Variants in CACNA2D1 observed in about 807,000 individuals in gnomAD.
CACNA2D1 encodes the protein voltage-dependent calcium channel subunit alpha-2/delta-1.
A neutral mutation model predicts 171.5 loss-of-function variants in CACNA2D1; 53 were observed. The ratio of observed to expected loss-of-function variants is 0.31; its 90% CI spans 0.25 to 0.39. The LOEUF is 0.39. Ranked by LOEUF, CACNA2D1 falls within the 10% of genes least tolerant of loss-of-function variation. The pLI, the probability that CACNA2D1 is intolerant of heterozygous loss-of-function variation, is 1.00. For missense variants in CACNA2D1, 903 were observed against 1,299.8 expected (o/e 0.69, Z 4.69); for synonymous variants, 442 against 443.1 (o/e 1.00, Z 0.03).
intron 19 of CACNA2D1, among the ~76,000 whole-genome samples, chr7:81,995,198 G>A (rs548315685): frequency 6.6e-6 from 1 of 152,166 alleles, no homozygotes; most frequent in East Asian, 1.9e-4. Context: ...TTTTTGAAAC[G>A]TAATTAATAA....
At chr7:82,351,690 G>A (rs1819866991) in intron 1 of CACNA2D1, among the ~76,000 whole-genome samples, 1 of 152,102 alleles carries the variant, frequency 6.6e-6, no homozygotes, top group Non-Finnish European at 1.5e-5. Context: ...ATTAGCTGGT[G>A]CCTATATTTG....
chr7:81,994,642 G>T (rs374881891), intron 20 of CACNA2D1, among the ~76,000 whole-genome samples: 1 of 151,660 alleles, frequency 6.6e-6, no homozygotes, highest in East Asian at 1.9e-4. Context: ...AAAACATCAA[G>T]AAACCTAAAG....
intron 3 of CACNA2D1, among the ~76,000 whole-genome samples, chr7:82,268,857 TG>T (rs1808259171): frequency 6.6e-6 from 1 of 152,158 alleles, no homozygotes; most frequent in Non-Finnish European, 1.5e-5. Flanking sequence ...AAAGGGTGGC[TG>T]GGAAGCTTTA....
chr7:82,232,469 C>T (rs1803048038), intron 3 of CACNA2D1, among the ~76,000 whole-genome samples: 1 of 152,088 alleles, frequency 6.6e-6, no homozygotes, highest in Admixed American at 6.5e-5. Flanking sequence ...GAAAATAGAT[C>T]ATATGCCATA....
At chr7:82,278,225 C>T (rs1585312508) in intron 3 of CACNA2D1, among the ~76,000 whole-genome samples, 1 of 152,064 alleles carries the variant, frequency 6.6e-6, no homozygotes, top group African/African-American at 2.4e-5. Context: ...AGATGGAAGG[C>T]AATTTATTTA....
At chr7:82,313,854 T>A (rs2129434386) in intron 3 of CACNA2D1, among the ~76,000 whole-genome samples, 1 of 152,336 alleles carries the variant, frequency 6.6e-6, no homozygotes. Flanking sequence ...GTATTTCTCA[T>A]TCTCATATTT....
intron 3 of CACNA2D1, among the ~76,000 whole-genome samples, chr7:82,179,845 G>A (rs1240459028): frequency 6.6e-6 from 1 of 151,778 alleles, no homozygotes; most frequent in African/African-American, 2.4e-5. Flanking sequence ...AAAAACTAAG[G>A]GGGAGAAGTT....
intron 3 of CACNA2D1, among the ~76,000 whole-genome samples, chr7:82,202,305 C>T (rs77863350): frequency 0.064 from 9,681 of 152,192 alleles, 706 homozygotes; most frequent in East Asian, 0.2. Context: ...AGCTGCCCAC[C>T]ACTCGTTCAC....
At chr7:82,183,469 A>C (rs2129172979) in intron 3 of CACNA2D1, among the ~76,000 whole-genome samples, 1 of 152,270 alleles carries the variant, frequency 6.6e-6, no homozygotes, top group Non-Finnish European at 1.5e-5. Context: ...TTTTAGTTAA[A>C]ATTTTGTACA....
At position 81,971,706 on chromosome 7, in the gene CACNA2D1, C is replaced by T. The variant is rs1346390497; in HGVS notation, c.2141+71G>A. The T allele has an allele frequency of 1.1e-5, 9 of 856,394 alleles. No homozygotes were observed. The Admixed American group carries it at 1.2e-4, about 12-fold the overall frequency. The allele number at this position is 856,394 out of a possible 1,614,324, so 53.0% of individuals were successfully genotyped here. ...GAACTGTAAATTTATGAGATTCATA[C>T]CCAATTTCCACAGGAGAAACTAAAT... On this transcript the variant is annotated intron_variant, in intron 26 of 38. Transcript: ENST00000356860.
intron 10 of CACNA2D1, among the ~76,000 whole-genome samples, chr7:82,059,993 T>C (rs1480381222): frequency 7.4e-5 from 2 of 27,068 alleles, no homozygotes; most frequent in Admixed American, 8.5e-4. Context: ...CCAGGGCCTG[T>C]TGTGGGGTGG....
At chr7:82,307,359 G>T (rs1487165462) in intron 3 of CACNA2D1, among the ~76,000 whole-genome samples, 1 of 151,674 alleles carries the variant, frequency 6.6e-6, no homozygotes, top group Non-Finnish European at 1.5e-5. Context: ...GTTTCACCAT[G>T]TTGGCCGGGC....
At chr7:82,331,580 T>A (rs1817301718) in intron 3 of CACNA2D1, among the ~76,000 whole-genome samples, 1 of 152,236 alleles carries the variant, frequency 6.6e-6, no homozygotes, top group Non-Finnish European at 1.5e-5. Context: ...TGAACTATTC[T>A]ACACTTAATT....
chr7:82,429,445 C>T (rs563495412), intron 1 of CACNA2D1, among the ~76,000 whole-genome samples: 1 of 152,224 alleles, frequency 6.6e-6, no homozygotes, highest in Admixed American at 6.5e-5. Flanking sequence ...CAGGTTTTGG[C>T]TCCCTGTGCA....
chr7:82,350,816 A>C (rs1819772351), intron 1 of CACNA2D1, among the ~76,000 whole-genome samples: 1 of 152,244 alleles, frequency 6.6e-6, no homozygotes, highest in Admixed American at 6.5e-5. Context: ...TCCAAATTTT[A>C]AAGCAATAGT....
chr7:82,064,930 C>A (rs925586043), intron 8 of CACNA2D1, among the ~76,000 whole-genome samples: 3 of 152,016 alleles, frequency 2.0e-5, no homozygotes, highest in African/African-American at 7.2e-5. Flanking sequence ...CAAATTCAAC[C>A]CCGTGGAATC....
At chr7:82,320,014 C>CA (rs2129437710) in intron 3 of CACNA2D1, among the ~76,000 whole-genome samples, 2 of 152,108 alleles carry the variant, frequency 1.3e-5, no homozygotes, top group East Asian at 3.9e-4. Flanking sequence ...ATAATACATG[C>CA]AAGATAGAGC....
chr7:82,242,047 A>G (rs1167334280), intron 3 of CACNA2D1, among the ~76,000 whole-genome samples: 2 of 152,154 alleles, frequency 1.3e-5, no homozygotes, highest in Non-Finnish European at 2.9e-5. Context: ...CTCGCATAAG[A>G]AGGATAAAAT....
In CACNA2D1 at chr7:82,088,937, C is replaced by T. The variant is rs117641485; in HGVS notation, c.527-4037G>A. 3.4e-3 allele frequency among the ~76,000 whole-genome samples: 515 copies of T among 151,890 alleles called. 3 individuals carry two copies. The highest frequency in any genetic ancestry group is 6.8e-3 in the Middle Eastern group (2 of 294). On this transcript the variant is annotated intron_variant, in intron 6 of 38. Transcript: ENST00000356860. ...CATAAGGAGCATGGAACCTAGATCA[C>T]GCACATGTGCCGTTCACAACAGGGT... is the stretch of plus-strand genomic sequence containing the variant.
Sources: allele counts gnomAD v4.1 joint callset (sites outside exome capture counted in the v4.1 genomes callset), GRCh38; gene constraint gnomAD v4.1.1; transcripts MANE v1.5; gene names NCBI Gene and HGNC (gene_info 2026-07-23, HGNC 2026-07-21).